VPS35L: variants seen among roughly 807,000 people sequenced by gnomAD.
VPS35L encodes VPS35 endosomal protein-sorting factor-like.
Under a neutral mutation model 133.0 loss-of-function variants are expected in VPS35L, and 83 were observed. The observed-to-expected ratio is 0.62, with a 90% CI of 0.52 to 0.75. The LOEUF is 0.75. VPS35L is among the 30% of genes least tolerant of loss of function. The pLI is 0.00. For synonymous variants in VPS35L, 423 were observed against 449.9 expected (o/e 0.94, Z 0.76); for missense variants, 1,083 against 1,206.8 (o/e 0.90, Z 1.52).
chr16:19,595,212 G>A (rs559616497), intron 8 of VPS35L, among the ~76,000 whole-genome samples: 15 of 152,254 alleles, frequency 9.9e-5, no homozygotes, highest in African/African-American at 3.6e-4. Context: ...GTGATCCCAC[G>A]TGGGATTTAA....
At chr16:19,582,943 G>A (rs1187740804) in intron 7 of VPS35L, among the ~76,000 whole-genome samples, 1 of 152,234 alleles carries the variant, frequency 6.6e-6, no homozygotes, top group Non-Finnish European at 1.5e-5. Flanking sequence ...TGAGGCGGGT[G>A]GATCACTTGA....
chr16:19,556,396 G>A (rs1597292902), intron 1 of VPS35L, among the ~76,000 whole-genome samples: 2 of 152,192 alleles, frequency 1.3e-5, no homozygotes, highest in African/African-American at 4.8e-5. Context: ...AGGATGAATA[G>A]GAGTCCACCA....
At chr16:19,585,040 G>A (rs982856348) in intron 7 of VPS35L, among the ~76,000 whole-genome samples, 1 of 152,106 alleles carries the variant, frequency 6.6e-6, no homozygotes, top group Non-Finnish European at 1.5e-5. Context: ...AGCATAATAT[G>A]TTTGAGGTTC....
chr16:19,610,152 CTG>C (rs1424087222), intron 11 of VPS35L, among the ~76,000 whole-genome samples, 168 bp from the exon 12 acceptor site: 5 of 152,164 alleles, frequency 3.3e-5, no homozygotes, highest in African/African-American at 9.7e-5. Flanking sequence ...AAGAGAAAGA[CTG>C]TTGTTACATT....
At chr16:19,674,966 T>A (rs1467768512) in intron 27 of VPS35L, among the ~76,000 whole-genome samples, 1 of 151,834 alleles carries the variant, frequency 6.6e-6, no homozygotes, top group African/African-American at 2.4e-5. Flanking sequence ...TTTTTTTTTT[T>A]TTGAGACAGG....
intron 9 of VPS35L, among the ~76,000 whole-genome samples, chr16:19,602,215 G>A (rs1343187701): frequency 1.3e-5 from 2 of 152,098 alleles, no homozygotes; most frequent in East Asian, 3.9e-4. Context: ...AATGGGACAA[G>A]TGGATGATGA....
chr16:19,626,475 C>G (rs1475596004), intron 15 of VPS35L, among the ~76,000 whole-genome samples: 3 of 152,212 alleles, frequency 2.0e-5, no homozygotes, highest in African/African-American at 7.2e-5. Flanking sequence ...AATAATAGTT[C>G]TTTCAACTGG....
intron 26 of VPS35L, among the ~76,000 whole-genome samples, chr16:19,658,337 C>G (rs1235931051): frequency 6.6e-6 from 1 of 152,102 alleles, no homozygotes; most frequent in Admixed American, 6.6e-5. Flanking sequence ...CAAGACCAGC[C>G]TGGCCAACAT....
chr16:19,691,418 G>A lies in VPS35L; in HGVS notation c.2593G>A (p.Glu865Lys), dbSNP rs1372999383. 2 of 1,614,090 alleles carry A rather than the reference G, an allele frequency of 1.2e-6. No individual in the cohort carries two copies. Among genetic ancestry groups the A allele is most frequent in the South Asian group, 2.2e-5 (2 of 91,064 alleles). ...KFLAENNKLC[E>K]TVMAQILEHL... ...CCTGGCAGAAAACAACAAGCTGTGT[G>A]AGACGGTGATGGCTCAGATCCTAGA... is the stretch of plus-strand genomic sequence containing the variant. The change falls in exon 29 of 31, where the codon GAG becomes AAG. Residue 865 changes from glutamate (E) to lysine (K), a missense_variant. By Grantham distance (56) the Glu-to-Lys change is moderately conservative. Coordinates refer to ENST00000417362, the MANE Select transcript of VPS35L (RefSeq NM_020314.7).
At chr16:19,636,289 T>TAAATGTA (rs1973621289) in intron 19 of VPS35L, among the ~76,000 whole-genome samples, 1 of 152,210 alleles carries the variant, frequency 6.6e-6, no homozygotes, top group Non-Finnish European at 1.5e-5. Context: ...GTAAATGTAT[T>TAAATGTA]AAATTGCTGG....
rs112258155 is a variant in VPS35L, at chr16:19,630,999, ACT to A, written c.1554+1182_1554+1183del. ...ACTCCAGCCAGAGCGACAGAGTGAG[ACT>A]CTGTCTCAAAACAAAAATAATAATA... On this transcript the variant is annotated intron_variant, in intron 18 of 30. Transcript: ENST00000417362. Among the ~76,000 whole-genome samples the A allele has an allele frequency of 5.8e-3, 879 of 151,976 alleles. 10 individuals are homozygous for A. The highest frequency in any genetic ancestry group is 0.02 in the African/African-American group (819 of 41,434).
At chr16:19,695,092 C>T (rs1975859164) in intron 29 of VPS35L, among the ~76,000 whole-genome samples, 2 of 152,228 alleles carry the variant, frequency 1.3e-5, no homozygotes, top group South Asian at 4.1e-4. Context: ...TGGGCGTAAG[C>T]CGCCATGCCC....
At chr16:19,693,806 G>A (rs938518401) in intron 29 of VPS35L, among the ~76,000 whole-genome samples, 19 of 151,298 alleles carry the variant, frequency 1.3e-4, no homozygotes, top group African/African-American at 3.4e-4. Flanking sequence ...TAAATTACCC[G>A]GGCGTGGTGG....
intron 19 of VPS35L, among the ~76,000 whole-genome samples, chr16:19,635,317 C>T (rs935780885): frequency 6.6e-6 from 1 of 152,016 alleles, no homozygotes; most frequent in African/African-American, 2.4e-5. Context: ...CACTGCACTC[C>T]AACCTCAGTG....
chr16:19,626,560 G>T (rs1350373449), intron 15 of VPS35L, among the ~76,000 whole-genome samples: 1 of 151,962 alleles, frequency 6.6e-6, no homozygotes, highest in Non-Finnish European at 1.5e-5. Flanking sequence ...TCAGGAGTTC[G>T]AGACCAGCCT....
intron 1 of VPS35L, among the ~76,000 whole-genome samples, chr16:19,555,983 G>C (rs1327014428): frequency 6.6e-6 from 1 of 152,114 alleles, no homozygotes; most frequent in Non-Finnish European, 1.5e-5. Context: ...CGCCTTCCAC[G>C]GGCCCCTGTC....
At chr16:19,681,026 A>G (rs1975257354) in intron 27 of VPS35L, among the ~76,000 whole-genome samples, 1 of 152,088 alleles carries the variant, frequency 6.6e-6, no homozygotes, top group Admixed American at 6.6e-5. Flanking sequence ...TGAGAACTGC[A>G]GGCTACCAAG....
intron 5 of VPS35L, chr16:19,578,372 TC>T: frequency 1.3e-5 from 5 of 380,848 alleles, no homozygotes; most frequent in South Asian, 3.6e-5. Flanking sequence ...AGACCCCATC[TC>T]AAAAAAAAAA....
chr16:19,601,025 C>T (rs1020461648), intron 8 of VPS35L, among the ~76,000 whole-genome samples: 2 of 152,128 alleles, frequency 1.3e-5, no homozygotes, highest in Non-Finnish European at 1.5e-5. Flanking sequence ...AACTCCTGGG[C>T]TCAAGCAATC....
Sources: gnomAD v4.1 joint callset for allele counts (sites outside exome capture counted in the v4.1 genomes callset) on GRCh38, gnomAD v4.1.1 for gene constraint, MANE v1.5 for transcripts, NCBI Gene and HGNC (gene_info 2026-07-23, HGNC 2026-07-21) for gene names.